The following ATG5 variants were observed in gnomAD, a reference collection of about 807,000 sequenced individuals.
ATG5 encodes the protein autophagy protein 5.
ATG5 carries 14 observed loss-of-function variants against 36.5 expected under a neutral mutation model. The observed-to-expected ratio is 0.38, with a 90% CI of 0.25 to 0.60. The LOEUF (loss-of-function observed/expected upper bound fraction) is 0.60, where lower values mean the gene tolerates loss of function less well. Among genes scored for constraint, ATG5 ranks in the 20% least tolerant of loss-of-function variants. The pLI is 0.60. For missense variants in ATG5, 195 were observed against 326.7 expected (o/e 0.60, Z 3.11); for synonymous variants, 95 against 101.5 (o/e 0.94, Z 0.38).
rs138336781 is a variant in ATG5 at position 106,192,178 on chromosome 6, G to A, written c.692-5502C>T. On this transcript the variant is annotated intron_variant, in intron 7 of 7. Coordinates refer to ENST00000369076, the MANE Select transcript of ATG5 (RefSeq NM_004849.4). Reference sequence around the variant, plus strand: ...TCACCTATAAGTCAAATGAGCCCTAGTGTACTACAGATATATCATTTAATA... The same window carrying A: ...TCACCTATAAGTCAAATGAGCCCTAATGTACTACAGATATATCATTTAATA... Among the ~76,000 whole-genome samples the A allele has an allele frequency of 3.6e-3, 545 of 151,548 alleles. 2 individuals are homozygous for A. Among genetic ancestry groups the A allele is most frequent in the Non-Finnish European group, 5.7e-3 (390 of 67,928 alleles).
Position 106,293,094 on chromosome 6 carries a change from A to T in ATG5, c.249T>A (p.Ile83=). Residue 83 remains isoleucine, a synonymous_variant, in exon 4 of 8, where the codon ATT becomes ATA. Coordinates refer to ENST00000369076, the MANE Select transcript of ATG5 (RefSeq NM_004849.4). The stretch of plus-strand genomic sequence containing the variant: ...ATGCAAGAAGATCAAATAGCAAACC[A>T]ATTGGATAATGCCTAAAAATGAAAC... ...EGTPLKWHYP[I]GLLFDLLASS... 1 of 1,612,946 alleles carries T rather than the reference A, an allele frequency of 6.2e-7. No homozygotes were observed. The highest frequency in any genetic ancestry group is 8.5e-7 in the Non-Finnish European group (1 of 1,179,080).
chr6:106,227,478 C>T (rs1374365960), intron 6 of ATG5, among the ~76,000 whole-genome samples: 1 of 152,116 alleles, frequency 6.6e-6, no homozygotes, highest in Non-Finnish European at 1.5e-5. Flanking sequence ...GACCTGTAGT[C>T]CCAGCTACTC....
chr6:106,310,400 A>T (rs2114669130), intron 2 of ATG5, among the ~76,000 whole-genome samples: 1 of 152,274 alleles, frequency 6.6e-6, no homozygotes, highest in South Asian at 2.1e-4. Flanking sequence ...ATTCTATAGT[A>T]CATATAGATA....
At chr6:106,323,260 CTTTTTTTTTTTTTTTT>C (rs71274321) in intron 1 of ATG5, among the ~76,000 whole-genome samples, 1 of 64,222 alleles carries the variant, frequency 1.6e-5, no homozygotes, top group Non-Finnish European at 2.7e-5. Flanking sequence ...TGGAAAAGTC[CTTTTTTTTTTTTTTTT>C]TTTTTTTTTT....
intron 5 of ATG5, among the ~76,000 whole-genome samples, chr6:106,268,110 G>T (rs1054941092): frequency 2.0e-5 from 3 of 152,088 alleles, no homozygotes; most frequent in African/African-American, 7.2e-5. Context: ...TACAGAATGG[G>T]AGAAAATTTC....
At chr6:106,285,378 G>A (rs1780038239) in intron 4 of ATG5, among the ~76,000 whole-genome samples, 1 of 152,018 alleles carries the variant, frequency 6.6e-6, no homozygotes, top group Non-Finnish European at 1.5e-5. Flanking sequence ...ATTTGATATG[G>A]ACCATATTTT....
At chr6:106,271,421 T>C (rs1370721284) in intron 5 of ATG5, among the ~76,000 whole-genome samples, 1 of 152,174 alleles carries the variant, frequency 6.6e-6, no homozygotes, top group Non-Finnish European at 1.5e-5. Context: ...AAAGCTCTGT[T>C]TTAGTCTGTG....
chr6:106,189,632 T>C (rs566569119), intron 7 of ATG5, among the ~76,000 whole-genome samples: 35 of 104,898 alleles, frequency 3.3e-4, no homozygotes, highest in African/African-American at 1.1e-3. Flanking sequence ...AACAAAAAAT[T>C]AATAATAAAA....
intron 1 of ATG5, among the ~76,000 whole-genome samples, chr6:106,323,531 G>A (rs1436393360): frequency 6.6e-6 from 1 of 151,780 alleles, no homozygotes; most frequent in Non-Finnish European, 1.5e-5. Context: ...GAGCCATCAC[G>A]CCCGGCCAAG....
chr6:106,231,008 C>A (rs1157027156), intron 6 of ATG5, among the ~76,000 whole-genome samples: 2 of 151,654 alleles, frequency 1.3e-5, no homozygotes, highest in African/African-American at 4.9e-5. Flanking sequence ...CCCCCAGACT[C>A]CTTCCCCAAA....
chr6:106,298,215 T>A (rs906140317), intron 3 of ATG5, among the ~76,000 whole-genome samples: 7 of 152,124 alleles, frequency 4.6e-5, no homozygotes, highest in African/African-American at 1.7e-4. Flanking sequence ...CGCCTCGGCC[T>A]CCCAAAGTGC....
At chr6:106,233,737 G>A (rs1193591985) in intron 6 of ATG5, among the ~76,000 whole-genome samples, 5 of 151,674 alleles carry the variant, frequency 3.3e-5, no homozygotes, top group African/African-American at 4.8e-5. Flanking sequence ...TCAGACAACC[G>A]TGAGGAAAGT....
At chr6:106,203,841 G>A (rs181857085) in intron 6 of ATG5, among the ~76,000 whole-genome samples, 24 of 152,228 alleles carry the variant, frequency 1.6e-4, no homozygotes, top group Non-Finnish European at 3.1e-4. Flanking sequence ...AGGCATTAGC[G>A]ACAAGGTTTT....
chr6:106,316,141 T>C lies in ATG5; in HGVS notation c.68A>G (p.Tyr23Cys). 6.2e-7 allele frequency: 1 copy of C among 1,613,612 alleles called. No individual in the cohort carries two copies. The highest frequency in any genetic ancestry group is 8.5e-7 in the Non-Finnish European group (1 of 1,179,698). Reference protein sequence around the residue: ...FGRIPTCFTLYQDEITEREAE... With the variant: ...FGRIPTCFTLCQDEITEREAE... ...TTCCCTTTCAGTTATCTCATCCTGA[T>C]ATAGCGTGAAACAAGTTGGAATTCG... Residue 23 changes from tyrosine (Y) to cysteine (C), a missense_variant, in exon 2 of 8, where the codon TAT (tyrosine) becomes TGT (cysteine). Physicochemically the swap from Tyr to Cys is radical, Grantham distance 194. Transcript: ENST00000369076.
intron 6 of ATG5, among the ~76,000 whole-genome samples, chr6:106,205,657 T>A (rs1166035755): frequency 6.6e-6 from 1 of 152,210 alleles, no homozygotes; most frequent in Non-Finnish European, 1.5e-5. Flanking sequence ...ACCTCACTAT[T>A]GGAGAAATAT....
At position 106,186,378 on chromosome 6, in the gene ATG5, C is replaced by T; in HGVS notation, c.*162G>A. ...CAGAGGTGATGCAAAGTAAGACCAG[C>T]CCAGTTGCCTTATCTGACATGGAAT... On this transcript the variant is annotated 3_prime_UTR_variant, in exon 8 of 8. Coordinates refer to ENST00000369076, the MANE Select transcript of ATG5 (RefSeq NM_004849.4). The T allele has an allele frequency of 2.7e-6, 2 of 746,318 alleles. No individual in the cohort carries two copies. The highest frequency in any genetic ancestry group is 1.9e-5 in the South Asian group (1 of 52,512). The allele number at this position is 746,318 out of a possible 1,614,324, so 46.2% of individuals were successfully genotyped here. A position where few individuals can be genotyped will look rare whatever the true frequency, so the allele number is the denominator to read the frequency against.
intron 5 of ATG5, among the ~76,000 whole-genome samples, chr6:106,256,861 C>T (rs1778821240): frequency 6.6e-6 from 1 of 152,136 alleles, no homozygotes; most frequent in South Asian, 2.1e-4. Context: ...AAACACTGTA[C>T]ATTTAAGTTA....
chr6:106,223,526 C>T (rs1028358770), intron 6 of ATG5, among the ~76,000 whole-genome samples: 3 of 152,174 alleles, frequency 2.0e-5, no homozygotes, highest in African/African-American at 7.2e-5. Flanking sequence ...CCCTACAGGA[C>T]TCAATTTACC....
At chr6:106,302,946 T>C (rs1015162512) in intron 3 of ATG5, among the ~76,000 whole-genome samples, 1 of 152,028 alleles carries the variant, frequency 6.6e-6, no homozygotes, top group African/African-American at 2.4e-5. Flanking sequence ...GTGAATGTAA[T>C]TAACACTACC....
Sources: allele counts gnomAD v4.1 joint callset (sites outside exome capture counted in the v4.1 genomes callset), GRCh38; gene constraint gnomAD v4.1.1; transcripts MANE v1.5; gene names NCBI Gene and HGNC (gene_info 2026-07-23, HGNC 2026-07-21).